The following DOCK3 variants were observed in gnomAD, a reference collection of about 807,000 sequenced individuals.
The protein encoded by DOCK3 is dedicator of cytokinesis 3, also known as dedicator of cytokinesis protein 3.
DOCK3 carries 60 observed loss-of-function variants against 265.6 expected under a neutral mutation model. That is an observed-to-expected ratio of 0.23 (90% CI 0.18 to 0.28). DOCK3 has a LOEUF of 0.28. Ranked by LOEUF, DOCK3 falls within the 10% of genes least tolerant of loss-of-function variation. The pLI, the probability that DOCK3 is intolerant of heterozygous loss-of-function variation, is 1.00. For missense variants in DOCK3, 1,981 were observed against 2,594.3 expected, an observed-to-expected ratio of 0.76 and a Z score of 5.14; for synonymous variants, 881 against 938.0, an observed-to-expected ratio of 0.94 and a Z score of 1.11.
chr3:51,352,245 C>T (rs1368733019), intron 40 of DOCK3, among the ~76,000 whole-genome samples: 1 of 152,168 alleles, frequency 6.6e-6, no homozygotes, highest in Admixed American at 6.5e-5. Context: ...TTTTCTTCTT[C>T]CTGTATAGAT....
At chr3:51,049,138 C>A (rs914167269) in intron 5 of DOCK3, among the ~76,000 whole-genome samples, 1 of 152,058 alleles carries the variant, frequency 6.6e-6, no homozygotes, top group Admixed American at 6.6e-5. Flanking sequence ...CCAGCCTGGG[C>A]AACATGGCAA....
At chr3:51,300,762 A>G (rs1029765298) in intron 27 of DOCK3, among the ~76,000 whole-genome samples, 2 of 152,204 alleles carry the variant, frequency 1.3e-5, no homozygotes, top group Non-Finnish European at 2.9e-5. Flanking sequence ...CAACCTGATC[A>G]TGGTAGATAA....
intron 4 of DOCK3, among the ~76,000 whole-genome samples, chr3:50,913,889 A>G (rs1299665356): frequency 6.6e-6 from 1 of 152,014 alleles, no homozygotes; most frequent in East Asian, 1.9e-4. Context: ...GTATGAAGTT[A>G]AAACCAGGTA....
intron 22 of DOCK3, among the ~76,000 whole-genome samples, chr3:51,254,354 G>T (rs1165837227): frequency 6.6e-6 from 1 of 152,170 alleles, no homozygotes; most frequent in Non-Finnish European, 1.5e-5. Context: ...TTGATTTGGG[G>T]TGGAGAGTTC....
chr3:50,892,328 C>T (rs577993709), intron 4 of DOCK3, among the ~76,000 whole-genome samples: 2 of 152,116 alleles, frequency 1.3e-5, no homozygotes, highest in East Asian at 3.9e-4. Context: ...GCTCTCATCC[C>T]CCTACAGAAA....
chr3:51,366,436 A>G (rs183982448), intron 49 of DOCK3, among the ~76,000 whole-genome samples: 3 of 152,248 alleles, frequency 2.0e-5, no homozygotes, highest in African/African-American at 4.8e-5. Context: ...TTCAAAAAAA[A>G]CCAGCTCCTG....
chr3:51,279,124 C>T (rs992595202), intron 26 of DOCK3, among the ~76,000 whole-genome samples: 11 of 151,988 alleles, frequency 7.2e-5, no homozygotes, highest in Admixed American at 2.6e-4. Flanking sequence ...TGGTGGTGGG[C>T]GCCTGTAATC....
At chr3:51,207,861 G>A (rs548961258) in intron 12 of DOCK3, among the ~76,000 whole-genome samples, 8 of 152,086 alleles carry the variant, frequency 5.3e-5, no homozygotes, top group South Asian at 2.1e-4. Flanking sequence ...AACAGGGGAC[G>A]GGGTAGAACC....
At chr3:50,783,606 C>G (rs761286177) in intron 2 of DOCK3, among the ~76,000 whole-genome samples, 11 of 152,072 alleles carry the variant, frequency 7.2e-5, no homozygotes, top group South Asian at 2.1e-4. Context: ...ATTAGTCCTT[C>G]GTTAGATGCA....
intron 5 of DOCK3, among the ~76,000 whole-genome samples, chr3:51,001,312 T>C (rs559207151): frequency 1.3e-5 from 2 of 152,326 alleles, no homozygotes; most frequent in South Asian, 4.1e-4. Context: ...GCTTGACTTA[T>C]GGAGCTGGGA....
chr3:51,263,035 A>G (rs959488576), intron 23 of DOCK3, among the ~76,000 whole-genome samples: 37 of 152,192 alleles, frequency 2.4e-4, no homozygotes, highest in Non-Finnish European at 4.6e-4. Context: ...ACCTAGCAAG[A>G]CAGGCCAACA....
intron 5 of DOCK3, among the ~76,000 whole-genome samples, chr3:51,053,426 AT>A (rs563130234): frequency 0.033 from 4,351 of 132,312 alleles, 46 homozygotes; most frequent in African/African-American, 0.046. Flanking sequence ...TTGTATCACT[AT>A]TTTTTTTTTT....
At chr3:51,321,077 C>T (rs1481066583) in intron 32 of DOCK3, among the ~76,000 whole-genome samples, 1 of 152,172 alleles carries the variant, frequency 6.6e-6, no homozygotes. Flanking sequence ...TACAGGAGAG[C>T]TCTGGCTGGC....
chr3:50,908,854 CTT>C (rs1164710742), intron 4 of DOCK3, among the ~76,000 whole-genome samples: 2 of 152,020 alleles, frequency 1.3e-5, no homozygotes, highest in Non-Finnish European at 2.9e-5. Context: ...GTCTAAGTCT[CTT>C]TGTAGGTCTC....
chr3:51,195,838 G>A (rs185447617), intron 12 of DOCK3, among the ~76,000 whole-genome samples: 1 of 152,198 alleles, frequency 6.6e-6, no homozygotes, highest in Admixed American at 6.5e-5. Context: ...TTGCTTGTCT[G>A]GAAAAGATTT....
intron 41 of DOCK3, 61 bp from the exon 42 acceptor site, chr3:51,356,028 G>A: frequency 6.2e-7 from 1 of 1,604,186 alleles, no homozygotes; most frequent in South Asian, 1.1e-5. Context: ...GGAGATGACA[G>A]GGGTCAGCCT....
intron 22 of DOCK3, among the ~76,000 whole-genome samples, chr3:51,247,991 G>A (rs142143650): frequency 6.6e-6 from 1 of 152,308 alleles, no homozygotes; most frequent in African/African-American, 2.4e-5. Context: ...AAGGATACCG[G>A]AGAAGGCAGC....
Position 50,955,486 on chromosome 3 carries a change from A to G in DOCK3, c.315+21409A>G, listed in dbSNP as rs898360179. 2.0e-5 allele frequency among the ~76,000 whole-genome samples: 3 copies of G among 152,230 alleles called. No individual in the cohort carries two copies. In the South Asian group the frequency reaches 6.2e-4, roughly 32 times the overall value. The stretch of plus-strand genomic sequence containing the variant: ...CAAGAAAATGTGGTACATATACACC[A>G]TGAATACTATACAGCCATAAAAAAG... On this transcript the variant is annotated intron_variant, in intron 5 of 52. Coordinates refer to ENST00000266037, the MANE Select transcript of DOCK3 (RefSeq NM_004947.5).
At chr3:50,733,770 T>A (rs1281085772) in intron 1 of DOCK3, among the ~76,000 whole-genome samples, 2 of 126,138 alleles carry the variant, frequency 1.6e-5, no homozygotes, top group South Asian at 2.8e-4. Flanking sequence ...AATTTTTTTT[T>A]AACTGTTTTG....
Sources: gnomAD v4.1 joint callset for allele counts (sites outside exome capture counted in the v4.1 genomes callset) on GRCh38, gnomAD v4.1.1 for gene constraint, MANE v1.5 for transcripts, NCBI Gene and HGNC (gene_info 2026-07-23, HGNC 2026-07-21) for gene names.